Variants in ARB2A observed in about 807,000 individuals in gnomAD.
The protein encoded by ARB2A is cotranscriptional regulator ARB2A.
chr5:93,964,223 A>C, the ARB2A span, among the ~76,000 whole-genome samples: 1 of 151,984 alleles, frequency 6.6e-6, no homozygotes, highest in African/African-American at 2.4e-5. Flanking sequence ...TTTCAAAGAG[A>C]CTAGAAATCG....
At chr5:93,647,655 C>T in the ARB2A span, among the ~76,000 whole-genome samples, 3 of 151,964 alleles carry the variant, frequency 2.0e-5, no homozygotes, top group Non-Finnish European at 4.4e-5. Context: ...TCCCTAGTAG[C>T]TGGGACTACA....
the ARB2A span, among the ~76,000 whole-genome samples, chr5:93,756,110 C>T: frequency 1.3e-5 from 2 of 152,146 alleles, no homozygotes; most frequent in South Asian, 2.1e-4. Flanking sequence ...GGCTTTCCCC[C>T]ACTTCCCTGA....
At chr5:93,772,360 G>C in the ARB2A span, among the ~76,000 whole-genome samples, 619 of 152,152 alleles carry the variant, frequency 4.1e-3, no homozygotes, top group Non-Finnish European at 7.5e-3. Flanking sequence ...AATGCTAAAT[G>C]ACGAGTTAAT....
chr5:94,040,523 G>T, the ARB2A span, among the ~76,000 whole-genome samples: 2 of 121,598 alleles, frequency 1.6e-5, no homozygotes, highest in Non-Finnish European at 3.3e-5. Flanking sequence ...CCCACAACAG[G>T]CCCCAGTATG....
chr5:93,986,324 G>T, the ARB2A span, among the ~76,000 whole-genome samples: 15 of 151,836 alleles, frequency 9.9e-5, no homozygotes, highest in South Asian at 3.1e-3. Context: ...TCTGGGAGGT[G>T]GGGGGCGCCC....
At chr5:93,787,786 G>T in the ARB2A span, among the ~76,000 whole-genome samples, 4 of 152,104 alleles carry the variant, frequency 2.6e-5, no homozygotes, top group African/African-American at 9.7e-5. Flanking sequence ...AAAAGATCCA[G>T]ATCAGTAAGG....
the ARB2A span, among the ~76,000 whole-genome samples, chr5:93,750,989 T>A: frequency 6.6e-6 from 1 of 152,220 alleles, no homozygotes; most frequent in Non-Finnish European, 1.5e-5. Context: ...TTACATTACT[T>A]TCTTAAAACT....
the ARB2A span, among the ~76,000 whole-genome samples, chr5:93,802,388 G>C: frequency 2.6e-5 from 4 of 151,608 alleles, no homozygotes; most frequent in Admixed American, 6.6e-5. Context: ...TGATAAACAG[G>C]AAAAACCAAA....
At chr5:93,901,560 A>C in the ARB2A span, among the ~76,000 whole-genome samples, 1 of 152,136 alleles carries the variant, frequency 6.6e-6, no homozygotes, top group African/African-American at 2.4e-5. Context: ...ATTCAATACT[A>C]CCTCAAAAAC....
At chr5:93,937,438 T>TAA in the ARB2A span, among the ~76,000 whole-genome samples, 2 of 140,916 alleles carry the variant, frequency 1.4e-5, no homozygotes, top group Non-Finnish European at 1.6e-5. Context: ...CCATCTCTAT[T>TAA]AAAAAAAAAA....
chr5:93,731,607 C>A, the ARB2A span, among the ~76,000 whole-genome samples: 1 of 152,208 alleles, frequency 6.6e-6, no homozygotes, highest in Non-Finnish European at 1.5e-5. Flanking sequence ...TTTTCCACTA[C>A]TCAATCAATA....
chr5:93,799,994 T>C, the ARB2A span, among the ~76,000 whole-genome samples: 12 of 152,102 alleles, frequency 7.9e-5, no homozygotes, highest in Non-Finnish European at 1.5e-4. Flanking sequence ...GTATATGTTA[T>C]TCAATAAGCA....
At chr5:94,088,932 T>C in the ARB2A span, among the ~76,000 whole-genome samples, 2 of 152,170 alleles carry the variant, frequency 1.3e-5, no homozygotes, top group Admixed American at 1.3e-4. Context: ...GTTCATTTAA[T>C]TATAAAAGAA....
the ARB2A span, among the ~76,000 whole-genome samples, chr5:93,650,067 G>A: frequency 7.3e-5 from 11 of 151,198 alleles, no homozygotes; most frequent in Admixed American, 2.0e-4. Context: ...TTCTACCTAT[G>A]TTTGTTATAG....
At chr5:93,670,048 T>C in the ARB2A span, among the ~76,000 whole-genome samples, 1 of 152,150 alleles carries the variant, frequency 6.6e-6, no homozygotes, top group Non-Finnish European at 1.5e-5. Context: ...CACCCAGATG[T>C]TCAAGCCAAC....
chr5:93,842,440 C>T, the ARB2A span, among the ~76,000 whole-genome samples: 4 of 152,144 alleles, frequency 2.6e-5, no homozygotes, highest in African/African-American at 9.7e-5. Flanking sequence ...TCAGTTCCAG[C>T]ATAGGATGGC....
the ARB2A span, among the ~76,000 whole-genome samples, chr5:94,057,153 T>C: frequency 3.9e-5 from 6 of 152,328 alleles, no homozygotes; most frequent in South Asian, 1.2e-3. Flanking sequence ...AGAACTTGGG[T>C]CTTCTCAGCC....
At chr5:93,915,789 A>G in the ARB2A span, among the ~76,000 whole-genome samples, 3 of 152,050 alleles carry the variant, frequency 2.0e-5, no homozygotes, top group Admixed American at 2.0e-4. Context: ...GGACTTTAAA[A>G]GAGAATGAAG....
the ARB2A span, among the ~76,000 whole-genome samples, chr5:93,720,251 G>A: frequency 1.3e-5 from 2 of 152,176 alleles, no homozygotes; most frequent in Non-Finnish European, 2.9e-5. Flanking sequence ...TGGTTATTAA[G>A]CCTTCATTTG....
Sources: allele counts gnomAD v4.1 joint callset (sites outside exome capture counted in the v4.1 genomes callset), GRCh38; gene constraint gnomAD v4.1.1; transcripts MANE v1.5; gene names NCBI Gene and HGNC (gene_info 2026-07-23, HGNC 2026-07-21).